Variants in SAMD4B observed in about 807,000 individuals in gnomAD.
The protein encoded by SAMD4B is protein Smaug homolog 2.
SAMD4B carries 5 observed loss-of-function variants against 74.5 expected under a neutral mutation model. The ratio of observed to expected loss-of-function variants is 0.07; its 90% CI spans 0.04 to 0.14. SAMD4B has a LOEUF of 0.14. Among genes scored for constraint, SAMD4B ranks in the 10% least tolerant of loss-of-function variants. The probability of loss-of-function intolerance (pLI) is 1.00; values close to 1 mark genes in which losing one functional copy is unlikely to be tolerated. For synonymous variants in SAMD4B, 373 were observed against 374.9 expected, an observed-to-expected ratio of 1.00 and a Z score of 0.06; for missense variants, 608 against 921.8, an observed-to-expected ratio of 0.66 and a Z score of 4.41.
chr19:39,389,561 G>A (rs1279566208), downstream of SAMD4B: 2 of 1,614,086 alleles, frequency 1.2e-6, no homozygotes, highest in Admixed American at 1.7e-5. This position sits in a 1 kb window ranked among gnomAD's most constrained non-coding sequence, Gnocchi z 5.3. Flanking sequence ...AGGAGAGCGG[G>A]GGGCAGGAGG....
chr19:39,375,984 C>T lies in SAMD4B; in HGVS notation c.907+95C>T. The T allele has an allele frequency of 6.7e-7, 1 of 1,499,934 alleles. No individual in the cohort carries two copies. The highest frequency in any genetic ancestry group is 9.0e-7 in the Non-Finnish European group (1 of 1,116,094). The allele number at this position is 1,499,934 out of a possible 1,614,324, so 92.9% of individuals were successfully genotyped here. A position where few individuals can be genotyped will look rare whatever the true frequency, so the allele number is the denominator to read the frequency against. ...GCTTGTAGCTGACACCTGCTTACCC[C>T]TCTGAGGAGGGGACATGTCTGAGGG... On this transcript the variant is annotated intron_variant, in intron 5 of 13. Transcript: ENST00000610417. The surrounding 1 kb of genome is among the most constrained non-coding windows in gnomAD (Gnocchi z 4.1).
At chr19:39,371,986 A>G (rs1476841547) in intron 4 of SAMD4B, among the ~76,000 whole-genome samples, 4 of 152,108 alleles carry the variant, frequency 2.6e-5, no homozygotes, top group Admixed American at 2.0e-4. Context: ...TCTCCTGGAG[A>G]TGCTCATCCC....
Position 39,375,575 on chromosome 19 carries a change from A to T in SAMD4B, c.668-75A>T, listed in dbSNP as rs1293622122. 6.5e-7 allele frequency: 1 copy of T among 1,547,586 alleles called. No individual in the cohort carries two copies. ...TATGGGGCCAAACTGCCATCCTGGC[A>T]CTGACGGCAGGGGGATGGTCTCCTG... On this transcript the variant is annotated intron_variant, in intron 4 of 13. Coordinates refer to ENST00000610417, the MANE Select transcript of SAMD4B (RefSeq NM_001384574.2). This position sits in a 1 kb window ranked among gnomAD's most constrained non-coding sequence, Gnocchi z 4.1.
intron 12 of SAMD4B, 64 bp downstream of exon 12, chr19:39,381,177 C>G: frequency 6.6e-7 from 1 of 1,520,904 alleles, no homozygotes; most frequent in Non-Finnish European, 8.8e-7. Context: ...TCTTTTTTCT[C>G]CTGGGTCTCA....
At chr19:39,388,401 C>T (rs2078300415), downstream of SAMD4B, 1 of 1,614,028 alleles carries the variant, frequency 6.2e-7, no homozygotes, top group Non-Finnish European at 8.5e-7. Context: ...AGTAGTTTTC[C>T]TCATAGCCCT....
In SAMD4B at chr19:39,369,988, G is replaced by T; in HGVS notation, c.530G>T (p.Gly177Val). 1 of 1,613,220 alleles carries T rather than the reference G, an allele frequency of 6.2e-7. No individual in the cohort carries two copies. Among genetic ancestry groups the T allele is most frequent in the Non-Finnish European group, 8.5e-7 (1 of 1,179,682 alleles). ...CGTCAAGGCTCAGATGAGTGGGGGG[G>T]CCCTGCAGAGCTAGGCCCTGGGGAG... ...HSRQGSDEWG[G>V]PAELGPGEAG... is the part of the protein sequence containing the mutation. The change falls in exon 4 of 14, where the codon GGC becomes GTC. Residue 177 changes from glycine (G) to valine (V), a missense_variant. Coordinates refer to ENST00000610417, the MANE Select transcript of SAMD4B (RefSeq NM_001384574.2).
intron 2 of SAMD4B, among the ~76,000 whole-genome samples, chr19:39,356,392 A>G (rs2076344022): frequency 6.6e-6 from 1 of 152,070 alleles, no homozygotes; most frequent in Non-Finnish European, 1.5e-5. Context: ...TTTTTCCAAT[A>G]TATTTTCTGT....
intron 5 of SAMD4B, 101 bp from the exon 6 acceptor site, chr19:39,376,336 C>A: frequency 2.1e-6 from 2 of 938,312 alleles, no homozygotes; most frequent in Admixed American, 2.4e-5. Context: ...CAATTTTTTG[C>A]ATCTTTTGAG....
intron 1 of SAMD4B, among the ~76,000 whole-genome samples, chr19:39,346,065 T>C (rs57411196): frequency 0.072 from 10,919 of 152,166 alleles, 512 homozygotes; most frequent in African/African-American, 0.13. Flanking sequence ...ACAGAGCTCT[T>C]GGCATTTTTT....
chr19:39,371,699 T>C (rs1175050231), intron 4 of SAMD4B, among the ~76,000 whole-genome samples: 2 of 151,546 alleles, frequency 1.3e-5, no homozygotes, highest in Non-Finnish European at 2.9e-5. Flanking sequence ...TGCCTATAAT[T>C]CCAGTTACTC....
chr19:39,377,788 G>A lies in SAMD4B; in HGVS notation c.1408G>A (p.Asp470Asn), dbSNP rs1256340533. 1 of 1,610,548 alleles carries A rather than the reference G, an allele frequency of 6.2e-7. No individual in the cohort carries two copies. Among genetic ancestry groups the A allele is most frequent in the Non-Finnish European group, 8.5e-7 (1 of 1,177,866 alleles). The change falls in exon 8 of 14, where the codon GAC (aspartate) becomes AAC (asparagine). Residue 470 changes from aspartate to asparagine, a missense_variant. Around this residue, in one of 9 missense-constraint regions of SAMD4B, gnomAD observed 99 missense variants for 112.1 expected, o/e 0.88. Coordinates refer to ENST00000610417, the MANE Select transcript of SAMD4B (RefSeq NM_001384574.2). Reference sequence around the variant, plus strand: ...TGCCCCGGCTCCCGTCGCCGACGGAGACATCCCCAGCCAGTTTACACGGGT... The same window carrying A: ...TGCCCCGGCTCCCGTCGCCGACGGAAACATCCCCAGCCAGTTTACACGGGT... The part of the protein sequence containing the change: ...EPAPAPVADG[D>N]IPSQFTRVMG...
chr19:39,361,614 T>TA lies in SAMD4B; in HGVS notation c.196+4535dup, dbSNP rs1185248390. Among the ~76,000 whole-genome samples, 217 of 136,406 alleles carry TA rather than the reference T, an allele frequency of 1.6e-3. No homozygotes were observed. In the Middle Eastern group the frequency reaches 0.024, roughly 15 times the overall value. The allele number at this position is 136,406 out of a possible 152,430, so 89.5% of individuals were successfully genotyped here. A position where few individuals can be genotyped will look rare whatever the true frequency, so the allele number is the denominator to read the frequency against. On this transcript the variant is annotated intron_variant, in intron 3 of 13. Coordinates refer to ENST00000610417, the MANE Select transcript of SAMD4B (RefSeq NM_001384574.2). Reference sequence around the variant, plus strand: ...CTGGGCAACAGAGTGAGACTCCATCTAAAAAAAAAAGAGTTGCCTGTCTTC... The same window carrying TA: ...CTGGGCAACAGAGTGAGACTCCATCTAAAAAAAAAAAGAGTTGCCTGTCTTC...
intron 1 of SAMD4B, chr19:39,350,014 C>T (rs1568343249): frequency 6.6e-6 from 1 of 152,174 alleles, no homozygotes; most frequent in African/African-American, 2.4e-5. Flanking sequence ...TTCTCTGTGC[C>T]TCAGTTGCTC....
chr19:39,390,184 A>G, downstream of SAMD4B: 1 of 1,612,088 alleles, frequency 6.2e-7, no homozygotes. Context: ...GTGGCTCAAA[A>G]GTGGGCCCCC....
chr19:39,386,180 C>T, downstream of SAMD4B: 1 of 1,614,152 alleles, frequency 6.2e-7, no homozygotes, highest in Non-Finnish European at 8.5e-7. The surrounding 1 kb of genome is among the most constrained non-coding windows in gnomAD (Gnocchi z 6.1). Flanking sequence ...GTCCTCTGTC[C>T]TCATCATCAG....
rs1308102610 is a variant in SAMD4B at position 39,383,615 on chromosome 19, G to A, written c.*88G>A. The A allele has an allele frequency of 1.3e-5, 21 of 1,613,450 alleles. No homozygotes were observed. In the South Asian group the frequency reaches 1.9e-4, roughly 14 times the overall value. On this transcript the variant is annotated 3_prime_UTR_variant, in exon 14 of 14. Transcript: ENST00000610417. The surrounding 1 kb of genome is among the most constrained non-coding windows in gnomAD (Gnocchi z 4.1). ...CGGGCTTCTCCGCGACAGCGAGAGG[G>A]TGGGCTGGCTCAGCTATATATTCTA...
Position 39,356,800 on chromosome 19 carries a change from A to C in SAMD4B, c.-94A>C. 9.2e-7 allele frequency: 1 copy of C among 1,083,662 alleles called. No individual in the cohort carries two copies. 67.1% of individuals were successfully genotyped at this position (1,083,662 alleles called of 1,614,324 possible). A position where few individuals can be genotyped will look rare whatever the true frequency, so the allele number is the denominator to read the frequency against. ...GAAACGTCCTTAAGCCCTGGCCCTC[A>C]GGGGAAAGGTAACAGGAGGCCAGAG... is the stretch of plus-strand genomic sequence containing the variant. On this transcript the variant is annotated 5_prime_UTR_variant, in exon 3 of 14. Transcript: ENST00000610417.
chr19:39,365,749 T>C (rs1410534993), intron 3 of SAMD4B, among the ~76,000 whole-genome samples: 1 of 152,226 alleles, frequency 6.6e-6, no homozygotes, highest in Non-Finnish European at 1.5e-5. Flanking sequence ...ACATAGTAAA[T>C]GCTCAATAAA....
intron 3 of SAMD4B, among the ~76,000 whole-genome samples, chr19:39,360,382 T>C (rs1236410591): frequency 2.6e-5 from 4 of 152,002 alleles, no homozygotes; most frequent in Admixed American, 1.3e-4. Flanking sequence ...TGAATCAAGG[T>C]TTTTATCCAT....
Sources: allele counts gnomAD v4.1 joint callset (sites outside exome capture counted in the v4.1 genomes callset), GRCh38; gene constraint gnomAD v4.1.1; regional missense constraint gnomAD v4.1.1; non-coding constraint Gnocchi (gnomAD v3.1); transcripts MANE v1.5; gene names NCBI Gene and HGNC (gene_info 2026-07-23, HGNC 2026-07-21).